Variants in SV2C observed in about 807,000 individuals in gnomAD.
SV2C encodes solute carrier family 22 member B3.
SV2C carries 49 observed loss-of-function variants against 79.7 expected under a neutral mutation model. The ratio of observed to expected loss-of-function variants is 0.61; its 90% CI spans 0.49 to 0.78. The LOEUF is 0.78. SV2C is among the 30% of genes least tolerant of loss of function. SV2C has a pLI of 0.00. For synonymous variants in SV2C, 334 were observed against 333.2 expected (o/e 1.00, Z -0.03); for missense variants, 833 against 912.9 (o/e 0.91, Z 1.13).
At chr5:76,004,654 A>C in the SV2C span, among the ~76,000 whole-genome samples, 1 of 152,172 alleles carries the variant, frequency 6.6e-6, no homozygotes, top group African/African-American at 2.4e-5. Context: ...GGCCAAGAAA[A>C]TGAAGACATT....
the SV2C span, among the ~76,000 whole-genome samples, chr5:76,077,319 A>G: frequency 6.6e-6 from 1 of 152,218 alleles, no homozygotes; most frequent in Admixed American, 6.5e-5. Context: ...TCTACAGGAC[A>G]TATGGTTTCT....
chr5:76,208,835 A>G (rs1204462661), intron 3 of SV2C, among the ~76,000 whole-genome samples: 2 of 152,102 alleles, frequency 1.3e-5, no homozygotes, highest in African/African-American at 4.8e-5. Flanking sequence ...TGATAGTAAT[A>G]TTTTTCTTTA....
chr5:76,324,019 AAAAT>A (rs1295232256), intron 12 of SV2C, among the ~76,000 whole-genome samples: 20 of 152,366 alleles, frequency 1.3e-4, no homozygotes, highest in African/African-American at 3.1e-4. Context: ...AGTAAAATAC[AAAAT>A]AAATAAAAAA....
At chr5:76,069,259 C>A in the SV2C span, among the ~76,000 whole-genome samples, 87 of 152,318 alleles carry the variant, frequency 5.7e-4, 2 homozygotes, top group East Asian at 0.015. Context: ...GGGGCTGCCT[C>A]CCCTTCCAGG....
At chr5:76,274,572 C>G (rs928292099) in intron 4 of SV2C, among the ~76,000 whole-genome samples, 15 of 152,002 alleles carry the variant, frequency 9.9e-5, no homozygotes, top group African/African-American at 3.1e-4. Context: ...CATTCTTTCC[C>G]AATAGTTATA....
the SV2C span, among the ~76,000 whole-genome samples, chr5:75,984,623 C>CTATCT: frequency 7.6e-6 from 1 of 131,754 alleles, no homozygotes; most frequent in Non-Finnish European, 1.6e-5. Flanking sequence ...ATCTATCTAT[C>CTATCT]ATCTATCTGT....
At chr5:75,967,890 C>A in the SV2C span, among the ~76,000 whole-genome samples, 1 of 152,146 alleles carries the variant, frequency 6.6e-6, no homozygotes, top group South Asian at 2.1e-4. Context: ...GGGTCCCTGA[C>A]CCCCAAGTAG....
intron 4 of SV2C, among the ~76,000 whole-genome samples, chr5:76,269,406 C>T (rs983924094): frequency 6.6e-6 from 1 of 152,188 alleles, no homozygotes; most frequent in Non-Finnish European, 1.5e-5. Flanking sequence ...GAATTTTTAT[C>T]AGATGTAACT....
the SV2C span, among the ~76,000 whole-genome samples, chr5:75,941,202 C>T: frequency 1.3e-4 from 20 of 152,278 alleles, no homozygotes; most frequent in Non-Finnish European, 2.2e-4. Flanking sequence ...AAGCTCATCT[C>T]CTCTTTCATC....
intron 12 of SV2C, among the ~76,000 whole-genome samples, chr5:76,340,871 A>G (rs1312917678): frequency 6.6e-6 from 1 of 151,762 alleles, no homozygotes; most frequent in Non-Finnish European, 1.5e-5. Flanking sequence ...CAGCCTTCCA[A>G]AGTACTGGGA....
the SV2C span, among the ~76,000 whole-genome samples, chr5:75,938,065 C>T: frequency 6.6e-6 from 1 of 152,102 alleles, no homozygotes; most frequent in South Asian, 2.1e-4. Flanking sequence ...ATACCCAAGA[C>T]TTTGAAAGAA....
At chr5:75,994,660 T>C in the SV2C span, among the ~76,000 whole-genome samples, 1 of 152,156 alleles carries the variant, frequency 6.6e-6, no homozygotes, top group Non-Finnish European at 1.5e-5. Flanking sequence ...AAAACTCCTA[T>C]CTTTCTCCAG....
At chr5:76,073,035 C>G in the SV2C span, among the ~76,000 whole-genome samples, 1 of 152,172 alleles carries the variant, frequency 6.6e-6, no homozygotes, top group African/African-American at 2.4e-5. Flanking sequence ...GATTGTCTCC[C>G]ACTCCGTGGG....
chr5:76,072,563 G>C, the SV2C span, among the ~76,000 whole-genome samples: 1 of 152,154 alleles, frequency 6.6e-6, no homozygotes, highest in Non-Finnish European at 1.5e-5. Context: ...CAGGTGGTGG[G>C]TATAGCTTGA....
chr5:76,151,009 C>T (rs1412493837), intron 2 of SV2C, among the ~76,000 whole-genome samples: 1 of 152,122 alleles, frequency 6.6e-6, no homozygotes, highest in Admixed American at 6.6e-5. Context: ...CAAAGATCAA[C>T]CAGATACAAA....
Position 76,273,170 on chromosome 5 carries a change from T to TATATATAC in SV2C, c.914-11991_914-11990insTATATACA, listed in dbSNP as rs144534109. ...AGATATATATATATATATATATATA[T>TATATATAC]ACACACATATATATATTTTTAACTT... On this transcript the variant is annotated intron_variant, in intron 4 of 12. Transcript: ENST00000502798. Among the ~76,000 whole-genome samples, 296 of 121,988 alleles carry TATATATAC rather than the reference T, an allele frequency of 2.4e-3. 1 individual carries two copies. Among genetic ancestry groups the TATATATAC allele is most frequent in the Middle Eastern group, 0.012 (3 of 252 alleles). The allele number at this position is 121,988 out of a possible 152,430, so 80.0% of individuals were successfully genotyped here. A position where few individuals can be genotyped will look rare whatever the true frequency, so the allele number is the denominator to read the frequency against.
intron 4 of SV2C, among the ~76,000 whole-genome samples, chr5:76,270,181 A>G (rs535813542): frequency 1.7e-4 from 26 of 152,200 alleles, no homozygotes; most frequent in Admixed American, 6.5e-4. Context: ...TTTAATCTCT[A>G]TGATTCATAT....
Position 76,132,317 on chromosome 5 carries a change from A to G in SV2C, c.567A>G (p.Gly189=), listed in dbSNP as rs1748928662. The G allele has an allele frequency of 1.2e-6, 2 of 1,610,854 alleles. No homozygotes were observed. The highest frequency in any genetic ancestry group is 1.7e-6 in the Non-Finnish European group (2 of 1,177,934). ...AETDLCIPNS[G]SGWLGSIVYL... is the part of the protein sequence containing the mutation. ...CAGACCTCTGCATCCCAAATTCAGG[A>G]TCTGGATGGCTAGGTGAGTGTGTGG... The change falls in exon 2 of 13, where the codon GGA becomes GGG. Residue 189 remains glycine, a synonymous_variant. Transcript: ENST00000502798.
At chr5:76,176,615 A>C (rs1351443784) in intron 2 of SV2C, among the ~76,000 whole-genome samples, 1 of 152,204 alleles carries the variant, frequency 6.6e-6, no homozygotes, top group Non-Finnish European at 1.5e-5. Context: ...ATTAAAACAA[A>C]ACAAAAGCCA....
Sources: gnomAD v4.1 joint callset for allele counts (sites outside exome capture counted in the v4.1 genomes callset) on GRCh38, gnomAD v4.1.1 for gene constraint, MANE v1.5 for transcripts, NCBI Gene and HGNC (gene_info 2026-07-23, HGNC 2026-07-21) for gene names.